The following DARS2 variants were observed in gnomAD, a reference collection of about 807,000 sequenced individuals.
DARS2 encodes aspartyl-tRNA synthetase 2, mitochondrial, also known as aspartate--tRNA ligase, mitochondrial.
DARS2 carries 63 observed loss-of-function variants against 83.0 expected under a neutral mutation model. The observed-to-expected ratio is 0.76, with a 90% CI of 0.62 to 0.94. DARS2 has a LOEUF of 0.94. DARS2 is among the 40% of genes least tolerant of loss of function. The probability of loss-of-function intolerance (pLI) is 0.00; values close to 1 mark genes in which losing one functional copy is unlikely to be tolerated. For synonymous variants in DARS2, 250 were observed against 269.3 expected (o/e 0.93, Z 0.70); for missense variants, 675 against 774.4 (o/e 0.87, Z 1.52).
At chr1:173,834,755 TTTGGTTTGTTTTG>T (rs1652928863) in intron 7 of DARS2, among the ~76,000 whole-genome samples, 3 of 109,172 alleles carry the variant, frequency 2.7e-5, no homozygotes, top group Admixed American at 9.7e-5. Context: ...TTTTTTTTTT[TTTGGTTTGTTTTG>T]GGTTTTTTTT....
rs959244556 is a variant in DARS2, at chr1:173,824,904, C to A, written c.-326C>A. 8.4e-6 allele frequency: 3 copies of A among 355,554 alleles called. No homozygotes were observed. The highest frequency in any genetic ancestry group is 2.1e-5 in the African/African-American group (1 of 46,866). The allele number at this position is 355,554 out of a possible 1,614,324, so 22.0% of individuals were successfully genotyped here. A position where few individuals can be genotyped will look rare whatever the true frequency, so the allele number is the denominator to read the frequency against. Reference sequence around the variant, plus strand: ...TGACCGCCTCTGGTTGTCTTGGGCTCGCGCCTGGCGCCGCTACGTGGAGTC... The same window carrying A: ...TGACCGCCTCTGGTTGTCTTGGGCTAGCGCCTGGCGCCGCTACGTGGAGTC... On this transcript the variant is annotated 5_prime_UTR_variant, in exon 1 of 17. Transcript: ENST00000649689.
chr1:173,855,817 A>ATTTTTTTTT (rs57005267), intron 15 of DARS2, among the ~76,000 whole-genome samples: 2 of 139,746 alleles, frequency 1.4e-5, no homozygotes. Flanking sequence ...CACGCCCAGC[A>ATTTTTTTTT]TTTTTTTTTT....
chr1:173,852,849 A>C (rs1004488369), intron 13 of DARS2, among the ~76,000 whole-genome samples: 10 of 152,178 alleles, frequency 6.6e-5, no homozygotes, highest in Non-Finnish European at 1.5e-4. Flanking sequence ...AGTGATAGCC[A>C]GCCTTCACTG....
At chr1:173,851,998 C>T (rs1184015865) in intron 13 of DARS2, 1 of 985,200 alleles carries the variant, frequency 1.0e-6, no homozygotes, top group Non-Finnish European at 1.2e-6. Context: ...GCTATTAAAC[C>T]TTCTCTTGGT....
At chr1:173,840,720 T>TG (rs1190216571) in intron 10 of DARS2, 146 bp from the exon 11 acceptor site, 2 of 646,002 alleles carry the variant, frequency 3.1e-6, no homozygotes, top group African/African-American at 3.6e-5. Flanking sequence ...TCATATTGCT[T>TG]AACCCATGGT....
intron 14 of DARS2, 34 bp downstream of exon 14, chr1:173,853,601 T>C: frequency 6.2e-7 from 1 of 1,611,214 alleles, no homozygotes; most frequent in Non-Finnish European, 8.5e-7. Flanking sequence ...CAAAAGGAAA[T>C]GTGTATATAA....
At chr1:173,846,414 C>G (rs2102655110) in intron 12 of DARS2, among the ~76,000 whole-genome samples, 1 of 151,956 alleles carries the variant, frequency 6.6e-6, no homozygotes, top group African/African-American at 2.4e-5. Flanking sequence ...GAATCACAAG[C>G]CCAGGAGTTC....
chr1:173,838,071 C>A (rs991709574), intron 8 of DARS2, 119 bp from the exon 9 acceptor site: 1 of 820,938 alleles, frequency 1.2e-6, no homozygotes, highest in Admixed American at 2.0e-5. Flanking sequence ...CCATGCCCGG[C>A]CCTTCTTACG....
intron 7 of DARS2, among the ~76,000 whole-genome samples, chr1:173,834,732 G>GTTT: frequency 1.8e-4 from 4 of 21,696 alleles, no homozygotes; most frequent in Admixed American, 6.4e-4. Flanking sequence ...GAGTTTTTTT[G>GTTT]TTTTTTTTTT....
Position 173,828,312 on chromosome 1 carries a change from T to TCC in DARS2, c.228-21_228-20insCC, listed in dbSNP as rs367543010. 38 of 1,551,322 alleles carry TCC rather than the reference T, an allele frequency of 2.4e-5. No homozygotes were observed. In the South Asian group the frequency reaches 2.9e-4, roughly 12 times the overall value. On this transcript the variant is annotated intron_variant, in intron 2 of 16. Coordinates refer to ENST00000649689, the MANE Select transcript of DARS2 (RefSeq NM_018122.5). Reference sequence around the variant, plus strand: ...GAGATTTTATCTTAAAATGTTTCTTTTCCCCCCCCCCATTAATCAGGCAAA... The same window carrying TCC: ...GAGATTTTATCTTAAAATGTTTCTTTCCTCCCCCCCCCCATTAATCAGGCAAA...
chr1:173,846,137 G>A (rs970797734), intron 12 of DARS2, among the ~76,000 whole-genome samples: 56 of 150,550 alleles, frequency 3.7e-4, no homozygotes, highest in Non-Finnish European at 6.9e-4. Context: ...CAGCCTGGAC[G>A]ACAGAGCAAG....
chr1:173,831,215 CTTT>C (rs375672090), intron 4 of DARS2, among the ~76,000 whole-genome samples: 2 of 139,166 alleles, frequency 1.4e-5, no homozygotes, highest in Non-Finnish European at 1.6e-5. Context: ...GTGCCTGGCC[CTTT>C]TTTTTTTTTT....
At chr1:173,826,995 T>A (rs1424655872) in intron 2 of DARS2, among the ~76,000 whole-genome samples, 1 of 152,230 alleles carries the variant, frequency 6.6e-6, no homozygotes, top group Non-Finnish European at 1.5e-5. Context: ...AATGTCATTC[T>A]CAGTAGGTAC....
chr1:173,845,985 G>A (rs373618982), intron 12 of DARS2, among the ~76,000 whole-genome samples: 10 of 152,178 alleles, frequency 6.6e-5, no homozygotes, highest in Admixed American at 4.6e-4. Flanking sequence ...GTGAAACCCC[G>A]TCTCTACTAA....
chr1:173,839,116 T>A (rs1017076829), intron 9 of DARS2, among the ~76,000 whole-genome samples: 1 of 152,226 alleles, frequency 6.6e-6, no homozygotes, highest in Non-Finnish European at 1.5e-5. Context: ...GTAGCTTCGC[T>A]GCTTACTAAT....
chr1:173,825,448 CCATTAT>C lies in DARS2; in HGVS notation c.127+93_127+98del, dbSNP rs1253557402. On this transcript the variant is annotated intron_variant, in intron 1 of 16. Coordinates refer to ENST00000649689, the MANE Select transcript of DARS2 (RefSeq NM_018122.5). ...TTTATTCCATTTTTCATTTTTTCCC[CCATTAT>C]TATTATTATTATTATTATTATTATT... 27 of 646,138 alleles carry C rather than the reference CCATTAT, an allele frequency of 4.2e-5. 1 individual carries two copies. Among genetic ancestry groups the C allele is most frequent in the African/African-American group, 1.9e-4 (5 of 26,768 alleles). The allele number at this position is 646,138 out of a possible 1,614,324, so 40.0% of individuals were successfully genotyped here. A position where few individuals can be genotyped will look rare whatever the true frequency, so the allele number is the denominator to read the frequency against.
chr1:173,831,348 T>C (rs1652790134), intron 4 of DARS2, among the ~76,000 whole-genome samples, 187 bp from the exon 5 acceptor site: 1 of 152,126 alleles, frequency 6.6e-6, no homozygotes, highest in Non-Finnish European at 1.5e-5. Flanking sequence ...TTTGTTGATA[T>C]CTGAACACAT....
At chr1:173,851,874 C>T (rs1198193738) in intron 13 of DARS2, 3 of 985,316 alleles carry the variant, frequency 3.0e-6, no homozygotes, top group Non-Finnish European at 3.6e-6. Flanking sequence ...TAAATGTAAT[C>T]CCCCGTCTCC....
chr1:173,828,408 A>C lies in DARS2; in HGVS notation c.294+9A>C. On this transcript the variant is annotated intron_variant, in intron 3 of 16. Coordinates refer to ENST00000649689, the MANE Select transcript of DARS2 (RefSeq NM_018122.5). ...TCATTCCCCAGGATGAGGTAATAGA[A>C]AATTTCCTGTTATTATCTAAAAGCT... 1 of 1,610,742 alleles carries C rather than the reference A, an allele frequency of 6.2e-7. No individual in the cohort carries two copies. Among genetic ancestry groups the C allele is most frequent in the Non-Finnish European group, 8.5e-7 (1 of 1,177,472 alleles).
Sources: allele counts gnomAD v4.1 joint callset (sites outside exome capture counted in the v4.1 genomes callset), GRCh38; gene constraint gnomAD v4.1.1; transcripts MANE v1.5; gene names NCBI Gene and HGNC (gene_info 2026-07-23, HGNC 2026-07-21).